The following NOS1AP variants were observed in gnomAD, a reference collection of about 807,000 sequenced individuals.
NOS1AP encodes carboxyl-terminal PDZ ligand of neuronal nitric oxide synthase protein.
A neutral mutation model predicts 56.2 loss-of-function variants in NOS1AP; 21 were observed. That is an observed-to-expected ratio of 0.37 (90% CI 0.26 to 0.54). The LOEUF is 0.54. NOS1AP is among the 20% of genes least tolerant of loss of function. NOS1AP has a pLI of 0.84. For missense variants in NOS1AP, 522 were observed against 657.8 expected, an observed-to-expected ratio of 0.79 and a Z score of 2.26; for synonymous variants, 270 against 274.6, an observed-to-expected ratio of 0.98 and a Z score of 0.17.
chr1:162,287,245 G>C (rs1431281289), intron 2 of NOS1AP, 99 bp from the exon 3 acceptor site: 1 of 840,638 alleles, frequency 1.2e-6, no homozygotes, highest in African/African-American at 1.7e-5. Flanking sequence ...CCCCACACCT[G>C]TCTGGGGACC....
intron 2 of NOS1AP, among the ~76,000 whole-genome samples, chr1:162,160,480 G>A (rs562712863): frequency 6.6e-6 from 1 of 152,324 alleles, no homozygotes; most frequent in South Asian, 2.1e-4. Flanking sequence ...TGGACGGGCG[G>A]CTTTATGGAG....
chr1:162,132,990 G>A (rs745613296), intron 1 of NOS1AP, among the ~76,000 whole-genome samples: 5 of 152,124 alleles, frequency 3.3e-5, no homozygotes, highest in Non-Finnish European at 7.4e-5. Context: ...TTGACTTGGC[G>A]CCTAATGGAA....
intron 2 of NOS1AP, among the ~76,000 whole-genome samples, chr1:162,193,446 A>G (rs1651705018): frequency 6.6e-6 from 1 of 152,156 alleles, no homozygotes; most frequent in African/African-American, 2.4e-5. Flanking sequence ...AAAGGCTCTA[A>G]GAGATAAAGT....
In NOS1AP at chr1:162,235,299, G is replaced by A. The variant is rs1160103516; in HGVS notation, c.178-52045G>A. The stretch of plus-strand genomic sequence containing the variant: ...TCATTTTTCTCTCTGTCATGATTTC[G>A]TTGCACTCTGTGGCAACAGGCATGA... On this transcript the variant is annotated intron_variant, in intron 2 of 9. Transcript: ENST00000361897. Among the ~76,000 whole-genome samples, 10 of 152,204 alleles carry A rather than the reference G, an allele frequency of 6.6e-5. No homozygotes were observed. The East Asian group carries it at 7.7e-4, about 12-fold the overall frequency.
chr1:162,194,341 G>A (rs572760406), intron 2 of NOS1AP, among the ~76,000 whole-genome samples: 17 of 152,250 alleles, frequency 1.1e-4, no homozygotes, highest in African/African-American at 3.8e-4. Flanking sequence ...TGTTTGCAGA[G>A]AGCCTGGTTG....
intron 2 of NOS1AP, among the ~76,000 whole-genome samples, chr1:162,171,803 G>A (rs1272514841): frequency 6.6e-6 from 1 of 151,984 alleles, no homozygotes. Context: ...CTCTTGTCAT[G>A]CTTCTCCTCA....
At chr1:162,361,647 T>C (rs1284550314) in intron 8 of NOS1AP, among the ~76,000 whole-genome samples, 1 of 152,194 alleles carries the variant, frequency 6.6e-6, no homozygotes, top group Non-Finnish European at 1.5e-5. Flanking sequence ...GACTTGAAAA[T>C]ACCTGAAATA....
chr1:162,217,057 G>A (rs1247697755), intron 2 of NOS1AP, among the ~76,000 whole-genome samples: 1 of 152,076 alleles, frequency 6.6e-6, no homozygotes, highest in Non-Finnish European at 1.5e-5. Flanking sequence ...GACTGACTTG[G>A]AGAGGAGCAA....
At chr1:162,219,522 C>G (rs554316697) in intron 2 of NOS1AP, among the ~76,000 whole-genome samples, 2 of 151,466 alleles carry the variant, frequency 1.3e-5, no homozygotes, top group African/African-American at 4.9e-5. Context: ...CTTCTCTGAC[C>G]CCCTGCCACA....
chr1:162,124,929 G>A (rs7513365), intron 1 of NOS1AP, among the ~76,000 whole-genome samples: 69,371 of 152,062 alleles, frequency 0.46, 19,543 homozygotes, highest in Non-Finnish European at 0.62. Context: ...GTATGCAGGT[G>A]TCTTTTTGAT....
In NOS1AP at chr1:162,367,137, G is replaced by A; in HGVS notation, c.1191G>A (p.Glu397=). 1 of 1,613,846 alleles carries A rather than the reference G, an allele frequency of 6.2e-7. No homozygotes were observed. The highest frequency in any genetic ancestry group is 8.5e-7 in the Non-Finnish European group (1 of 1,179,978). Residue 397 remains glutamate, a synonymous_variant, in exon 10 of 10, where the codon GAG becomes GAA. Coordinates refer to ENST00000361897, the MANE Select transcript of NOS1AP (RefSeq NM_014697.3). The surrounding 1 kb of genome is among the most constrained non-coding windows in gnomAD (Gnocchi z 6.5). Reference sequence around the variant, plus strand: ...GTGACCCCACGACCCCTAAGCCAGAGGACCTGCATTCGCCGCCGCTGGGCG... The same window carrying A: ...GTGACCCCACGACCCCTAAGCCAGAAGACCTGCATTCGCCGCCGCTGGGCG... ...VLCDPTTPKP[E]DLHSPPLGAG...
At chr1:162,081,774 A>ATTTTTTTTTTTTTTTTTTTTT (rs59767273) in intron 1 of NOS1AP, among the ~76,000 whole-genome samples, 5 of 44,054 alleles carry the variant, frequency 1.1e-4, no homozygotes, top group African/African-American at 3.8e-4. Context: ...ATATATATAT[A>ATTTTTTTTTTTTTTTTTTTTT]TTTTTTTTTT....
chr1:162,348,776 G>A (rs1657388419), intron 6 of NOS1AP, among the ~76,000 whole-genome samples: 1 of 152,042 alleles, frequency 6.6e-6, no homozygotes, highest in African/African-American at 2.4e-5. Context: ...GAGGACCTGT[G>A]GGGTGATGGA....
At chr1:162,234,553 C>A (rs1178110277) in intron 2 of NOS1AP, among the ~76,000 whole-genome samples, 1 of 152,128 alleles carries the variant, frequency 6.6e-6, no homozygotes, top group African/African-American at 2.4e-5. Flanking sequence ...CTTCTGAATT[C>A]CTCCCACGTG....
In NOS1AP at chr1:162,287,361, G is replaced by A. The variant is rs748280771; in HGVS notation, c.195G>A (p.Lys65=). The A allele has an allele frequency of 6.2e-7, 1 of 1,612,040 alleles. No homozygotes were observed. The highest frequency in any genetic ancestry group is 8.5e-7 in the Non-Finnish European group (1 of 1,178,278). Residue 65 remains lysine, a synonymous_variant, in exon 3 of 10, where the codon AAG becomes AAA. Coordinates refer to ENST00000361897, the MANE Select transcript of NOS1AP (RefSeq NM_014697.3). ...TCTTGCAGTATGAGTTTAAAGCCAA[G>A]AACATCAAGAAGAAGAAAGTGAGCA... ...MRRIRYEFKA[K]NIKKKKVSIM...
chr1:162,200,132 T>C (rs899040997), intron 2 of NOS1AP, among the ~76,000 whole-genome samples: 1 of 152,234 alleles, frequency 6.6e-6, no homozygotes, highest in African/African-American at 2.4e-5. Context: ...TTCCTGGGAC[T>C]GCTTTATCTA....
rs35955567 is a variant in NOS1AP, at chr1:162,251,602, A to ATGTGTGTGTG, written c.178-35720_178-35711dup. 9.6e-3 allele frequency among the ~76,000 whole-genome samples: 1,404 copies of ATGTGTGTGTG among 146,274 alleles called. 10 individuals are homozygous for ATGTGTGTGTG. The highest frequency in any genetic ancestry group is 0.021 in the Middle Eastern group (6 of 288). On this transcript the variant is annotated intron_variant, in intron 2 of 9. Coordinates refer to ENST00000361897, the MANE Select transcript of NOS1AP (RefSeq NM_014697.3). ...GGCTGGGTTTATTTAAAATATATAT[A>ATGTGTGTGTG]TGTGTGTGTGTGTGTGTGTGTGTGT...
chr1:162,201,405 T>C (rs1360692625), intron 2 of NOS1AP, among the ~76,000 whole-genome samples: 1 of 152,282 alleles, frequency 6.6e-6, no homozygotes, highest in African/African-American at 2.4e-5. Context: ...AGTGCTGTGA[T>C]AAATAGATGC....
chr1:162,284,632 T>C (rs1267161633), intron 2 of NOS1AP, among the ~76,000 whole-genome samples: 1 of 152,232 alleles, frequency 6.6e-6, no homozygotes, highest in African/African-American at 2.4e-5. Context: ...GGGAACTATG[T>C]GCATGGTGAT....
Sources: gnomAD v4.1 joint callset for allele counts (sites outside exome capture counted in the v4.1 genomes callset) on GRCh38, gnomAD v4.1.1 for gene constraint, Gnocchi (gnomAD v3.1) non-coding constraint, MANE v1.5 for transcripts, NCBI Gene and HGNC (gene_info 2026-07-23, HGNC 2026-07-21) for gene names.